The following CTNND2 variants were observed in gnomAD, a reference collection of about 807,000 sequenced individuals.
CTNND2 encodes catenin delta-2.
Under a neutral mutation model 144.4 loss-of-function variants are expected in CTNND2, and 22 were observed. The ratio of observed to expected loss-of-function variants is 0.15; its 90% CI spans 0.11 to 0.22. The LOEUF (loss-of-function observed/expected upper bound fraction) is 0.22, where lower values mean the gene tolerates loss of function less well. Ranked by LOEUF, CTNND2 falls within the 10% of genes least tolerant of loss-of-function variation. The pLI is 1.00. For synonymous variants in CTNND2, 751 were observed against 695.6 expected, an observed-to-expected ratio of 1.08 and a Z score of -1.25; for missense variants, 1,353 against 1,618.8, an observed-to-expected ratio of 0.84 and a Z score of 2.82.
At chr5:11,897,621 G>A (rs529549581) in intron 1 of CTNND2, among the ~76,000 whole-genome samples, 216 of 152,228 alleles carry the variant, frequency 1.4e-3, no homozygotes, top group South Asian at 2.3e-3. Flanking sequence ...ATGAAAAATA[G>A]GGGAAGAACG....
intron 10 of CTNND2, among the ~76,000 whole-genome samples, chr5:11,232,507 T>C (rs185720031): frequency 5.8e-4 from 89 of 152,346 alleles, no homozygotes; most frequent in African/African-American, 1.9e-3. Flanking sequence ...GATTGCCCTA[T>C]TGGATTTCGA....
chr5:11,468,902 A>G (rs1362437300), intron 3 of CTNND2, among the ~76,000 whole-genome samples: 3 of 152,150 alleles, frequency 2.0e-5, no homozygotes, highest in African/African-American at 4.8e-5. Flanking sequence ...TGAAGAGAAG[A>G]GTCACATTTG....
chr5:11,520,324 C>T (rs1010407941), intron 3 of CTNND2, among the ~76,000 whole-genome samples: 1 of 152,132 alleles, frequency 6.6e-6, no homozygotes, highest in East Asian at 1.9e-4. Flanking sequence ...CACAGCCCTG[C>T]CACCAGGAAA....
intron 3 of CTNND2, among the ~76,000 whole-genome samples, chr5:11,450,892 C>T (rs1310559115): frequency 2.0e-5 from 2 of 98,786 alleles, no homozygotes; most frequent in African/African-American, 4.2e-5. Flanking sequence ...CAGCGAAACT[C>T]CATCTCAAAA....
At chr5:11,693,322 G>A (rs1037599204) in intron 2 of CTNND2, among the ~76,000 whole-genome samples, 1 of 152,184 alleles carries the variant, frequency 6.6e-6, no homozygotes, top group Non-Finnish European at 1.5e-5. Context: ...GCTTATGTTA[G>A]TTTGTTATAG....
At chr5:11,535,588 T>C (rs1039588188) in intron 3 of CTNND2, among the ~76,000 whole-genome samples, 8 of 152,216 alleles carry the variant, frequency 5.3e-5, no homozygotes, top group Middle Eastern at 3.2e-3. Context: ...TATTTATAGA[T>C]TGAAGCAAAA....
chr5:11,865,066 T>A (rs1255533321), intron 1 of CTNND2, among the ~76,000 whole-genome samples: 1 of 152,006 alleles, frequency 6.6e-6, no homozygotes, highest in Admixed American at 6.6e-5. Context: ...TGGCTAATTT[T>A]GTATTTTTAG....
intron 2 of CTNND2, among the ~76,000 whole-genome samples, chr5:11,666,536 T>C (rs990396873): frequency 1.3e-5 from 2 of 152,130 alleles, no homozygotes; most frequent in Admixed American, 1.3e-4. Context: ...AAGGAATATG[T>C]TTGGATAAAA....
chr5:11,436,143 A>C (rs1431481585), intron 3 of CTNND2, among the ~76,000 whole-genome samples: 1 of 152,044 alleles, frequency 6.6e-6, no homozygotes, highest in African/African-American at 2.4e-5. Flanking sequence ...ACCAAGGCAC[A>C]ATCCCTACCC....
intron 2 of CTNND2, among the ~76,000 whole-genome samples, chr5:11,579,267 A>T (rs1778222954): frequency 6.6e-6 from 1 of 152,102 alleles, no homozygotes; most frequent in Admixed American, 6.6e-5. Context: ...GTAAGAATGT[A>T]GCAGTGATAA....
intron 12 of CTNND2, among the ~76,000 whole-genome samples, chr5:11,155,484 G>A (rs754836148): frequency 2.0e-5 from 3 of 152,256 alleles, no homozygotes; most frequent in Admixed American, 1.3e-4. Context: ...TGGCAGAATT[G>A]GAGCAAAAGG....
intron 9 of CTNND2, among the ~76,000 whole-genome samples, chr5:11,314,669 G>T (rs1751320403): frequency 6.6e-6 from 1 of 152,208 alleles, no homozygotes. Flanking sequence ...ACCTGGCCCA[G>T]ACTGGCTTTT....
intron 1 of CTNND2, among the ~76,000 whole-genome samples, chr5:11,797,972 T>G (rs1310244320): frequency 1.3e-5 from 2 of 152,114 alleles, no homozygotes; most frequent in Non-Finnish European, 2.9e-5. Context: ...ATAGTTTGTG[T>G]TTTGGCTGAG....
intron 3 of CTNND2, among the ~76,000 whole-genome samples, chr5:11,495,548 C>T (rs1207023367): frequency 2.0e-5 from 3 of 152,186 alleles, no homozygotes; most frequent in African/African-American, 7.2e-5. Context: ...CAACCTTGAA[C>T]TGCCCTTGAG....
intron 2 of CTNND2, among the ~76,000 whole-genome samples, chr5:11,713,583 CAAAAAAAAAAAA>C (rs1165519277): frequency 1.7e-5 from 1 of 57,890 alleles, no homozygotes; most frequent in Non-Finnish European, 3.6e-5. Flanking sequence ...GACTCCATCT[CAAAAAAAAAAAA>C]AAAAAAAAAA....
intron 1 of CTNND2, among the ~76,000 whole-genome samples, chr5:11,843,843 T>G (rs183163242): frequency 6.6e-6 from 1 of 152,312 alleles, no homozygotes; most frequent in East Asian, 1.9e-4. Flanking sequence ...TGTTTGATTT[T>G]CTTTAACAGA....
rs35449935 is a variant in CTNND2 at position 11,845,483 on chromosome 5, G to C, written c.37+58334C>G. Among the ~76,000 whole-genome samples the C allele has an allele frequency of 9.3e-3, 1,409 of 152,234 alleles. 15 individuals carry two copies. Among genetic ancestry groups the C allele is most frequent in the Middle Eastern group, 0.031 (9 of 294 alleles). ...ATAGGCTTCTAGTCCAATATGACTA[G>C]TGTCCTTAAGAAAAGGAGCACCACA... On this transcript the variant is annotated intron_variant, in intron 1 of 21. Transcript: ENST00000304623.
intron 20 of CTNND2, among the ~76,000 whole-genome samples, chr5:10,987,278 C>A (rs530622094): frequency 6.6e-6 from 1 of 152,296 alleles, no homozygotes; most frequent in South Asian, 2.1e-4. Context: ...AGTGCCTCAA[C>A]AGAAGCATAT....
intron 16 of CTNND2, among the ~76,000 whole-genome samples, chr5:11,045,912 A>G (rs1338502895): frequency 2.6e-5 from 4 of 151,830 alleles, no homozygotes; most frequent in African/African-American, 9.7e-5. Context: ...CCTGTCTTCC[A>G]CTGATAAGTT....
Sources: gnomAD v4.1 joint callset for allele counts (sites outside exome capture counted in the v4.1 genomes callset) on GRCh38, gnomAD v4.1.1 for gene constraint, MANE v1.5 for transcripts, NCBI Gene and HGNC (gene_info 2026-07-23, HGNC 2026-07-21) for gene names.